Variants in MAML2 observed in about 807,000 individuals in gnomAD.
MAML2 encodes the protein mastermind like transcriptional coactivator 2, also known as mastermind-like protein 2.
A neutral mutation model predicts 96.1 loss-of-function variants in MAML2; 22 were observed. The observed-to-expected ratio is 0.23, with a 90% CI of 0.16 to 0.33. The LOEUF (loss-of-function observed/expected upper bound fraction) is 0.33. Among genes scored for constraint, MAML2 ranks in the 10% least tolerant of loss-of-function variants. MAML2 has a pLI of 1.00. For missense variants in MAML2, 1,367 were observed against 1,392.4 expected (o/e 0.98, Z 0.29); for synonymous variants, 561 against 521.3 (o/e 1.08, Z -1.04).
chr11:96,037,251 C>G (rs191024864), intron 2 of MAML2, among the ~76,000 whole-genome samples: 1 of 152,094 alleles, frequency 6.6e-6, no homozygotes, highest in East Asian at 1.9e-4. Context: ...GCCTTTAAAC[C>G]TGTAATGCTA....
chr11:96,091,685 T>C (rs1242430486), intron 2 of MAML2, among the ~76,000 whole-genome samples: 1 of 152,168 alleles, frequency 6.6e-6, no homozygotes, highest in African/African-American at 2.4e-5. Context: ...ATCACAATGA[T>C]ACTAATGCTC....
chr11:96,183,345 T>C (rs536422018), intron 1 of MAML2, among the ~76,000 whole-genome samples: 1 of 152,058 alleles, frequency 6.6e-6, no homozygotes, highest in South Asian at 2.1e-4. Flanking sequence ...TTATTTCTTT[T>C]TTCTTCCTCT....
rs547598859 is a variant in MAML2, at chr11:95,985,876, G to A, written c.2344-234C>T. Among the ~76,000 whole-genome samples the A allele has an allele frequency of 5.3e-5, 8 of 152,148 alleles. No homozygotes were observed. The South Asian group carries it at 1.0e-3, about 20-fold the overall frequency. On this transcript the variant is annotated intron_variant, in intron 3 of 4. Transcript: ENST00000524717. ...TCCATAACAGTCAACATGTGTTTTG[G>A]TTCTAGTAACTACTCCTATTTTCTT...
At chr11:96,174,426 C>T (rs143650937) in intron 1 of MAML2, among the ~76,000 whole-genome samples, 2,114 of 152,320 alleles carry the variant, frequency 0.014, 23 homozygotes, top group Middle Eastern at 0.051. Context: ...CTCTGTCTCC[C>T]GGGCTCGAGT....
At chr11:96,287,905 A>G (rs867429306) in intron 1 of MAML2, among the ~76,000 whole-genome samples, 11 of 152,256 alleles carry the variant, frequency 7.2e-5, no homozygotes, top group African/African-American at 2.7e-4. Flanking sequence ...AGGGCTTATC[A>G]GCTGAATCAT....
intron 1 of MAML2, among the ~76,000 whole-genome samples, chr11:96,255,590 T>A (rs928058650): frequency 6.6e-6 from 1 of 152,204 alleles, no homozygotes; most frequent in Non-Finnish European, 1.5e-5. Context: ...CCAGGTAGAA[T>A]TCCAACAGAA....
chr11:96,206,114 T>A (rs78139953), intron 1 of MAML2, among the ~76,000 whole-genome samples: 154 of 152,216 alleles, frequency 1.0e-3, no homozygotes, highest in African/African-American at 3.2e-3. Flanking sequence ...GCAATAGAAG[T>A]TTTTATGTGT....
intron 1 of MAML2, among the ~76,000 whole-genome samples, chr11:96,139,718 A>C (rs2135864842): frequency 6.6e-6 from 1 of 152,150 alleles, no homozygotes. Flanking sequence ...GGTCAGCAAC[A>C]ACTGTTGTTT....
chr11:96,335,177 C>A (rs1863903790), intron 1 of MAML2, among the ~76,000 whole-genome samples: 1 of 152,148 alleles, frequency 6.6e-6, no homozygotes, highest in Non-Finnish European at 1.5e-5. Flanking sequence ...GACCTTAAGG[C>A]AAGTAAAAAA....
chr11:96,191,237 G>T (rs1313948118), intron 1 of MAML2, among the ~76,000 whole-genome samples: 2 of 152,064 alleles, frequency 1.3e-5, no homozygotes, highest in South Asian at 4.1e-4. Context: ...AGGCTGAAGC[G>T]GGTGGATCAC....
rs1861935525 is a variant in MAML2 at position 96,209,325 on chromosome 11, C to T, written c.514-115808G>A. On this transcript the variant is annotated intron_variant, in intron 1 of 4. Transcript: ENST00000524717. ...GCAGCTCCATCTTCATCTACTTATGCATTGGACTCTAGGGATCAAATATCA... is the reference window on the plus strand; with the variant it reads ...GCAGCTCCATCTTCATCTACTTATGTATTGGACTCTAGGGATCAAATATCA... Among the ~76,000 whole-genome samples, 5 of 152,148 alleles carry T rather than the reference C, an allele frequency of 3.3e-5. No individual in the cohort carries two copies. In the South Asian group the frequency reaches 1.0e-3, roughly 32 times the overall value.
intron 1 of MAML2, among the ~76,000 whole-genome samples, chr11:96,275,435 G>T (rs1197258351): frequency 6.6e-6 from 1 of 151,752 alleles, no homozygotes; most frequent in East Asian, 1.9e-4. Flanking sequence ...CCGCCACTAC[G>T]CCTAGCTAAT....
chr11:96,311,274 G>T (rs1007535430), intron 1 of MAML2, among the ~76,000 whole-genome samples: 6 of 152,214 alleles, frequency 3.9e-5, no homozygotes, highest in African/African-American at 1.4e-4. Flanking sequence ...GGGAACAAAA[G>T]AAGTGAAAGA....
rs762376382 is a variant in MAML2 at position 96,093,366 on chromosome 11, T to A, written c.665A>T (p.Asn222Ile). 1.9e-6 allele frequency: 3 copies of A among 1,614,016 alleles called. No individual in the cohort carries two copies. Among genetic ancestry groups the A allele is most frequent in the Non-Finnish European group, 1.7e-6 (2 of 1,179,904 alleles). ...LSAGQGGLQINNGQSQIMSGT... is the reference protein window; with the variant it reads ...LSAGQGGLQIINGQSQIMSGT... Reference sequence around the variant, plus strand: ...TGACATAATCTGACTTTGTCCATTGTTTATTTGGAGGCCACCTTGTCCTGC... The same window carrying A: ...TGACATAATCTGACTTTGTCCATTGATTATTTGGAGGCCACCTTGTCCTGC... The change falls in exon 2 of 5, where the codon AAC (asparagine) becomes ATC (isoleucine). Residue 222 changes from asparagine (N) to isoleucine (I), a missense_variant. Coordinates refer to ENST00000524717, the MANE Select transcript of MAML2 (RefSeq NM_032427.4).
chr11:96,016,787 A>C (rs1270601045), intron 2 of MAML2, among the ~76,000 whole-genome samples: 2 of 152,186 alleles, frequency 1.3e-5, no homozygotes, highest in Non-Finnish European at 2.9e-5. Flanking sequence ...CTAAAGACTA[A>C]ACTTTCAATT....
rs555683042 is a variant in MAML2, at chr11:96,212,167, A to G, written c.514-118650T>C. On this transcript the variant is annotated intron_variant, in intron 1 of 4. Transcript: ENST00000524717. Reference sequence around the variant, plus strand: ...TGTGTGTGTGGAAGGGGGACTCGTAATCTCATTTGTGGATACAATTTTTGA... The same window carrying G: ...TGTGTGTGTGGAAGGGGGACTCGTAGTCTCATTTGTGGATACAATTTTTGA... 3.6e-5 allele frequency among the ~76,000 whole-genome samples: 5 copies of G among 139,516 alleles called. 1 individual carries two copies. In the South Asian group the frequency reaches 6.6e-4, roughly 18 times the overall value. 91.5% of individuals were successfully genotyped at this position (139,516 alleles called of 152,430 possible).
At chr11:96,003,092 A>T (rs1858121886) in intron 2 of MAML2, among the ~76,000 whole-genome samples, 1 of 144,128 alleles carries the variant, frequency 6.9e-6, no homozygotes, top group African/African-American at 2.5e-5. Flanking sequence ...GATGATGGGG[A>T]TGATGAGGAT....
chr11:96,257,811 G>C (rs1360099557), intron 1 of MAML2, among the ~76,000 whole-genome samples: 2 of 152,172 alleles, frequency 1.3e-5, no homozygotes, highest in Non-Finnish European at 2.9e-5. Context: ...AGACGAGAAG[G>C]ACTTACTAGT....
At chr11:96,121,780 A>ATTTGTTTTTTTTTTTTTTTTTTTTTTTTT (rs1860346232) in intron 1 of MAML2, among the ~76,000 whole-genome samples, 1 of 35,238 alleles carries the variant, frequency 2.8e-5, no homozygotes, top group African/African-American at 1.3e-4. Context: ...CAACTGCGTG[A>ATTTGTTTTTTTTTTTTTTTTTTTTTTTTT]TTTTTTTTTT....
Sources: gnomAD v4.1 joint callset for allele counts (sites outside exome capture counted in the v4.1 genomes callset) on GRCh38, gnomAD v4.1.1 for gene constraint, MANE v1.5 for transcripts, NCBI Gene and HGNC (gene_info 2026-07-23, HGNC 2026-07-21) for gene names.